Variants in NLRP2 observed in about 807,000 individuals in gnomAD.
The protein encoded by NLRP2 is NLR family pyrin domain containing 2, also known as NACHT, LRR and PYD domains-containing protein 2.
In NLRP2, 107 loss-of-function variants were observed where a neutral mutation model predicts 97.2. The observed-to-expected ratio is 1.10, with a 90% CI of 0.94 to 1.29. NLRP2 has a LOEUF of 1.29. Among genes scored for constraint, NLRP2 ranks in the 50% most tolerant of loss-of-function variants. The pLI, the probability that NLRP2 is intolerant of heterozygous loss-of-function variation, is 0.00. For synonymous variants in NLRP2, 663 were observed against 551.5 expected (o/e 1.20, Z -2.83); for missense variants, 1,495 against 1,330.3 (o/e 1.12, Z -1.93).
At chr19:54,992,244 A>G (rs888954696) in intron 10 of NLRP2, among the ~76,000 whole-genome samples, 6 of 152,002 alleles carry the variant, frequency 3.9e-5, no homozygotes, top group African/African-American at 9.7e-5. Context: ...TGTCTCTAAC[A>G]TCACCTCCAA....
intron 4 of NLRP2, among the ~76,000 whole-genome samples, chr19:54,979,976 C>T (rs1168577988): frequency 1.3e-5 from 2 of 151,814 alleles, no homozygotes; most frequent in East Asian, 2.0e-4. Flanking sequence ...AGGGTTTCAC[C>T]GTGTTAGTCA....
At chr19:54,974,426 T>C in intron 2 of NLRP2, 74 bp from the exon 3 acceptor site, 2 of 1,080,262 alleles carry the variant, frequency 1.9e-6, no homozygotes, top group South Asian at 1.3e-5. Flanking sequence ...AAGTGTCATC[T>C]TTTCTTTTAT....
chr19:54,977,429 A>T (rs570984875), intron 3 of NLRP2, among the ~76,000 whole-genome samples: 22 of 151,922 alleles, frequency 1.4e-4, no homozygotes, highest in African/African-American at 5.3e-4. Flanking sequence ...CTCAAAAAAA[A>T]AGAAAAACTA....
At chr19:54,978,004 C>T (rs1602337781) in intron 4 of NLRP2, among the ~76,000 whole-genome samples, 181 bp downstream of exon 4, 2 of 152,112 alleles carry the variant, frequency 1.3e-5, no homozygotes, top group Non-Finnish European at 1.5e-5. Flanking sequence ...GAAGAACGAA[C>T]GTTGCAGAGA....
rs189233018 is a variant in NLRP2, at chr19:54,978,808, C to T, written c.397+985C>T. 1.3e-3 allele frequency among the ~76,000 whole-genome samples: 200 copies of T among 149,162 alleles called. 5 individuals carry two copies. The East Asian group carries it at 0.035, about 26-fold the overall frequency. Reference sequence around the variant, plus strand: ...GTTGCAGTGAGCCAAGATTGTGCCACTGCACTCCAGCCTGGCAACAGTGCG... The same window carrying T: ...GTTGCAGTGAGCCAAGATTGTGCCATTGCACTCCAGCCTGGCAACAGTGCG... On this transcript the variant is annotated intron_variant, in intron 4 of 12. Coordinates refer to ENST00000448584, the MANE Select transcript of NLRP2 (RefSeq NM_017852.5).
Position 54,982,156 on chromosome 19 carries a change from A to G in NLRP2, c.464-6A>G. The G allele has an allele frequency of 6.2e-7, 1 of 1,614,050 alleles. No individual in the cohort carries two copies. The highest frequency in any genetic ancestry group is 1.1e-5 in the South Asian group (1 of 91,080). On this transcript the variant is annotated splice_region_variant and splice_polypyrimidine_tract_variant and intron_variant, in intron 5 of 12. Coordinates refer to ENST00000448584, the MANE Select transcript of NLRP2 (RefSeq NM_017852.5). ...TCTCTCCCTTCCCTCCTCACCAATGATAAAGACAAAGACAATAGGTGCAGG... is the reference window on the plus strand; with the variant it reads ...TCTCTCCCTTCCCTCCTCACCAATGGTAAAGACAAAGACAATAGGTGCAGG...
intron 2 of NLRP2, chr19:54,973,894 C>CAA (rs1207568697): frequency 8.8e-6 from 6 of 681,682 alleles, no homozygotes; most frequent in Admixed American, 1.8e-5. Context: ...TGACACAAGG[C>CAA]AAGGATTCTT....
At chr19:54,968,713 T>TTTTTTTTTTTTTTTTTA (rs1454134577) in intron 1 of NLRP2, among the ~76,000 whole-genome samples, 6 of 135,766 alleles carry the variant, frequency 4.4e-5, no homozygotes, top group Non-Finnish European at 6.4e-5. Flanking sequence ...TTTTTTTTTT[T>TTTTTTTTTTTTTTTTTA]GAGACAGTTT....
chr19:54,970,573 T>G (rs944913874), intron 2 of NLRP2, among the ~76,000 whole-genome samples: 3 of 151,874 alleles, frequency 2.0e-5, no homozygotes, highest in African/African-American at 7.3e-5. Context: ...GGAGAATCAC[T>G]TAAATCTAGG....
Position 54,970,012 on chromosome 19 carries a change from C to G in NLRP2, c.-4C>G, listed in dbSNP as rs747310018. ...TTGTCATCACAGCTCCCACGTGGGA[C>G]AAGATGGTGTCTTCGGCGCAGATGG... On this transcript the variant is annotated 5_prime_UTR_variant, in exon 2 of 13. Transcript: ENST00000448584. 6.2e-7 allele frequency: 1 copy of G among 1,613,232 alleles called. No individual in the cohort carries two copies. The highest frequency in any genetic ancestry group is 1.1e-5 in the South Asian group (1 of 91,038).
At chr19:54,978,886 T>A (rs901514673) in intron 4 of NLRP2, among the ~76,000 whole-genome samples, 1 of 151,900 alleles carries the variant, frequency 6.6e-6, no homozygotes, top group Non-Finnish European at 1.5e-5. Context: ...AATGTATTTA[T>A]GGTACATTGC....
chr19:54,975,101 GTT>G (rs1190231820), intron 3 of NLRP2, among the ~76,000 whole-genome samples: 1 of 83,086 alleles, frequency 1.2e-5, no homozygotes. Context: ...ACCACACCCG[GTT>G]TTGTTTTTTT....
At chr19:54,978,847 A>G (rs1246620883) in intron 4 of NLRP2, among the ~76,000 whole-genome samples, 2 of 87,582 alleles carry the variant, frequency 2.3e-5, no homozygotes, top group East Asian at 1.0e-3. Flanking sequence ...CTCCATCTTA[A>G]AAAAAAAAAA....
chr19:54,974,320 G>C, intron 2 of NLRP2, 180 bp from the exon 3 acceptor site: 2 of 654,440 alleles, frequency 3.1e-6, no homozygotes, highest in African/African-American at 1.8e-5. Flanking sequence ...TGCCACTCCA[G>C]CCTGGGCAAC....
intron 2 of NLRP2, among the ~76,000 whole-genome samples, chr19:54,973,118 G>C (rs1411926756): frequency 6.6e-6 from 1 of 151,614 alleles, no homozygotes; most frequent in Non-Finnish European, 1.5e-5. Flanking sequence ...TTGAACCAGA[G>C]AGTCAGAGGT....
chr19:54,995,187 C>CA (rs1440012619), intron 11 of NLRP2, among the ~76,000 whole-genome samples: 1 of 87,226 alleles, frequency 1.1e-5, no homozygotes, highest in East Asian at 3.5e-4. Context: ...GTGGGTGCCT[C>CA]TTTTTTTTTT....
At chr19:54,986,001 CAA>C (rs2072048829) in intron 7 of NLRP2, 148 bp from the exon 8 acceptor site, 1 of 682,096 alleles carries the variant, frequency 1.5e-6, no homozygotes, top group African/African-American at 1.8e-5. Flanking sequence ...GACTCCATCT[CAA>C]AGAAAAAAAA....
intron 4 of NLRP2, among the ~76,000 whole-genome samples, chr19:54,978,959 C>T (rs1189922124): frequency 4.6e-5 from 7 of 151,540 alleles, no homozygotes. Context: ...GGTGACTTGC[C>T]TGAGCTGACT....
At chr19:54,989,530 C>G (rs2072318635) in intron 8 of NLRP2, 1 of 224,758 alleles carries the variant, frequency 4.4e-6, no homozygotes, top group African/African-American at 2.3e-5. Context: ...ACATTAGAGT[C>G]AGATTGACTA....
Sources: gnomAD v4.1 joint callset for allele counts (sites outside exome capture counted in the v4.1 genomes callset) on GRCh38, gnomAD v4.1.1 for gene constraint, MANE v1.5 for transcripts, NCBI Gene and HGNC (gene_info 2026-07-23, HGNC 2026-07-21) for gene names.